Variants in GPC5 observed in about 807,000 individuals in gnomAD.
The protein encoded by GPC5 is glypican 5.
A neutral mutation model predicts 53.9 loss-of-function variants in GPC5; 47 were observed. The observed-to-expected ratio is 0.87, with a 90% CI of 0.69 to 1.11. The LOEUF (loss-of-function observed/expected upper bound fraction) is 1.11, where lower values mean the gene tolerates loss of function less well. GPC5 is among the 50% of genes most tolerant of loss of function. The pLI is 0.00. For synonymous variants in GPC5, 286 were observed against 263.3 expected (o/e 1.09, Z -0.84); for missense variants, 748 against 713.1 (o/e 1.05, Z -0.56).
chr13:92,627,938 T>C (rs1885099025), intron 7 of GPC5, among the ~76,000 whole-genome samples: 3 of 152,200 alleles, frequency 2.0e-5, no homozygotes, highest in South Asian at 4.1e-4. Context: ...ACAGTATATT[T>C]TTCTTTTTAC....
chr13:92,685,178 A>G (rs762318558), intron 7 of GPC5, among the ~76,000 whole-genome samples: 6 of 152,026 alleles, frequency 3.9e-5, no homozygotes, highest in Non-Finnish European at 5.9e-5. Context: ...TGCAACCTCC[A>G]TCTCACGGGT....
chr13:92,437,482 A>G (rs146135066), intron 7 of GPC5, among the ~76,000 whole-genome samples: 186 of 152,274 alleles, frequency 1.2e-3, no homozygotes, highest in African/African-American at 4.0e-3. Context: ...TACACATTAT[A>G]CCTTAAGAAG....
chr13:92,471,461 T>A (rs1878907576), intron 7 of GPC5, among the ~76,000 whole-genome samples: 1 of 152,052 alleles, frequency 6.6e-6, no homozygotes, highest in African/African-American at 2.4e-5. Flanking sequence ...TTTGGTTACT[T>A]ATCTCTCCCT....
At chr13:91,995,394 A>C (rs2040494922) in intron 6 of GPC5, 1 of 152,192 alleles carries the variant, frequency 6.6e-6, no homozygotes. Context: ...TTGTTCTTCT[A>C]GACCAAACTA....
chr13:92,158,951 A>G (rs1362855969), intron 7 of GPC5, among the ~76,000 whole-genome samples: 1 of 152,192 alleles, frequency 6.6e-6, no homozygotes, highest in Non-Finnish European at 1.5e-5. Context: ...GCTTTTGACC[A>G]AACTAAACTC....
intron 7 of GPC5, among the ~76,000 whole-genome samples, chr13:92,314,964 A>T (rs956658071): frequency 7.9e-5 from 12 of 151,888 alleles, no homozygotes; most frequent in African/African-American, 2.9e-4. Flanking sequence ...TTTGGTACAG[A>T]CGGGGTGTTG....
intron 2 of GPC5, among the ~76,000 whole-genome samples, chr13:91,558,783 A>G (rs907321615): frequency 1.3e-5 from 2 of 151,992 alleles, no homozygotes; most frequent in African/African-American, 4.8e-5. Flanking sequence ...AGACTTTTTC[A>G]TCATCCATGA....
At chr13:91,819,198 C>T (rs572477134) in intron 5 of GPC5, among the ~76,000 whole-genome samples, 39 of 132,450 alleles carry the variant, frequency 2.9e-4, no homozygotes, top group Admixed American at 1.9e-3. Context: ...CTCACACTCT[C>T]GCCTGGGCTG....
At chr13:92,144,348 C>T (rs911279002) in intron 6 of GPC5, among the ~76,000 whole-genome samples, 8 of 152,192 alleles carry the variant, frequency 5.3e-5, no homozygotes, top group African/African-American at 1.9e-4. Context: ...TTAAATGAAA[C>T]TATAAATGTA....
At chr13:92,771,172 C>G (rs1053847881) in intron 7 of GPC5, among the ~76,000 whole-genome samples, 1 of 152,098 alleles carries the variant, frequency 6.6e-6, no homozygotes, top group African/African-American at 2.4e-5. Context: ...TGTCCCTTTA[C>G]TTCACCTTCT....
chr13:92,408,640 A>G (rs939259652), intron 7 of GPC5, among the ~76,000 whole-genome samples: 1 of 146,046 alleles, frequency 6.8e-6, no homozygotes, highest in Non-Finnish European at 1.5e-5. Flanking sequence ...ACACACACAC[A>G]CACACACACA....
chr13:92,079,248 C>T (rs2041276241), intron 6 of GPC5, among the ~76,000 whole-genome samples: 1 of 152,050 alleles, frequency 6.6e-6, no homozygotes, highest in South Asian at 2.1e-4. Flanking sequence ...GATGAGGTTT[C>T]ACCATGTTGG....
intron 7 of GPC5, chr13:92,340,494 G>A (rs1039365884): frequency 6.6e-6 from 1 of 152,076 alleles, no homozygotes; most frequent in South Asian, 2.1e-4. Context: ...AAGTAGCTGG[G>A]ACAACAGGTG....
At position 92,616,830 on chromosome 13, in the gene GPC5, A is replaced by G. The variant is rs182217952; in HGVS notation, c.1562-249452A>G. Among the ~76,000 whole-genome samples, 86 of 152,320 alleles carry G rather than the reference A, an allele frequency of 5.6e-4. 1 individual carries two copies. Among genetic ancestry groups the G allele is most frequent in the Non-Finnish European group, 2.2e-4 (15 of 68,024 alleles). On this transcript the variant is annotated intron_variant, in intron 7 of 7. Coordinates refer to ENST00000377067, the MANE Select transcript of GPC5 (RefSeq NM_004466.6). Reference sequence around the variant, plus strand: ...AAAGCAAGAACTGCATTAACTGTAGAAACAACAAATGGGCAAAGATAGACC... The same window carrying G: ...AAAGCAAGAACTGCATTAACTGTAGGAACAACAAATGGGCAAAGATAGACC...
At chr13:92,181,424 C>G (rs1046480265) in intron 7 of GPC5, among the ~76,000 whole-genome samples, 3 of 152,060 alleles carry the variant, frequency 2.0e-5, no homozygotes, top group Non-Finnish European at 4.4e-5. Flanking sequence ...TAAAATTTCC[C>G]TCTTGGTATG....
At chr13:92,175,898 A>G (rs9301781) in intron 7 of GPC5, among the ~76,000 whole-genome samples, 3,485 of 152,266 alleles carry the variant, frequency 0.023, 119 homozygotes, top group African/African-American at 0.075. Flanking sequence ...CTCCTCATAT[A>G]GAAGAATCTC....
intron 5 of GPC5, among the ~76,000 whole-genome samples, chr13:91,788,874 T>C (rs1427329486): frequency 6.6e-6 from 1 of 152,228 alleles, no homozygotes; most frequent in Non-Finnish European, 1.5e-5. Flanking sequence ...TGTTAATTTT[T>C]AGATATTAAT....
rs1174922077 is a variant in GPC5 at position 91,972,172 on chromosome 13, T to C, written c.1401+64115T>C. ...CTCCTGTATTGGGTGCATATATATTTAGGATAGTTAGCTCTTCTTGTTGAA... is the reference window on the plus strand; with the variant it reads ...CTCCTGTATTGGGTGCATATATATTCAGGATAGTTAGCTCTTCTTGTTGAA... On this transcript the variant is annotated intron_variant, in intron 6 of 7. Transcript: ENST00000377067. Among the ~76,000 whole-genome samples, 3 of 152,224 alleles carry C rather than the reference T, an allele frequency of 2.0e-5. No individual in the cohort carries two copies. In the East Asian group the frequency reaches 5.8e-4, roughly 29 times the overall value.
chr13:92,821,781 A>T (rs879342954), intron 7 of GPC5, among the ~76,000 whole-genome samples: 9 of 152,174 alleles, frequency 5.9e-5, no homozygotes, highest in Admixed American at 5.9e-4. Flanking sequence ...GTGCTCTTTT[A>T]GAAACACAGC....
Sources: gnomAD v4.1 joint callset for allele counts (sites outside exome capture counted in the v4.1 genomes callset) on GRCh38, gnomAD v4.1.1 for gene constraint, MANE v1.5 for transcripts, NCBI Gene and HGNC (gene_info 2026-07-23, HGNC 2026-07-21) for gene names.